Variants in RABL3 observed in about 807,000 individuals in gnomAD.
The protein encoded by RABL3 is RAB, member of RAS oncogene family like 3, also known as rab-like protein 3.
RABL3 carries 31 observed loss-of-function variants against 31.8 expected under a neutral mutation model. The ratio of observed to expected loss-of-function variants is 0.97; its 90% CI spans 0.73 to 1.31. RABL3 has a LOEUF of 1.31. RABL3 is among the 40% of genes most tolerant of loss of function. RABL3 has a pLI of 0.00. For synonymous variants in RABL3, 97 were observed against 99.9 expected (o/e 0.97, Z 0.18); for missense variants, 263 against 279.6 (o/e 0.94, Z 0.42).
rs1044080894 is a variant in RABL3 at position 120,686,680 on chromosome 3, A to G, written c.*3143T>C. 6.6e-6 allele frequency: 1 copy of G among 152,244 alleles called. No individual in the cohort carries two copies. Among genetic ancestry groups the G allele is most frequent in the Non-Finnish European group, 1.5e-5 (1 of 68,050 alleles). The allele number at this position is 152,244 out of a possible 1,614,324, so 9.4% of individuals were successfully genotyped here. On this transcript the variant is annotated 3_prime_UTR_variant, in exon 8 of 8. Coordinates refer to ENST00000273375, the MANE Select transcript of RABL3 (RefSeq NM_173825.5). ...ATGAGGCACCTATAACGAAAGACAG[A>G]TTATTGAGAAAAGCACACACATTTA...
intron 3 of RABL3, among the ~76,000 whole-genome samples, chr3:120,708,238 T>C (rs1291348918): frequency 6.6e-6 from 1 of 151,772 alleles, no homozygotes; most frequent in African/African-American, 2.4e-5. Context: ...TTTTAAGAAA[T>C]GGAAATATAT....
At chr3:120,737,327 G>C (rs557601012) in intron 1 of RABL3, among the ~76,000 whole-genome samples, 48 of 152,298 alleles carry the variant, frequency 3.2e-4, no homozygotes, top group African/African-American at 1.2e-3. Context: ...GGCTACTGAA[G>C]CTTGTGCATC....
rs770059146 is a variant in RABL3 at position 120,688,650 on chromosome 3, A to G, written c.*1173T>C. ...CAAAATCAGGAGTGCAGAGACCTGC[A>G]GCAGAGCCAGAGAGAGAATACGGGT... On this transcript the variant is annotated 3_prime_UTR_variant, in exon 8 of 8. Transcript: ENST00000273375. The G allele has an allele frequency of 1.3e-5, 2 of 152,234 alleles. No individual in the cohort carries two copies. The highest frequency in any genetic ancestry group is 2.9e-5 in the Non-Finnish European group (2 of 68,042). 9.4% of individuals were successfully genotyped at this position (152,234 alleles called of 1,614,324 possible).
At chr3:120,700,299 T>C (rs928015988) in intron 4 of RABL3, among the ~76,000 whole-genome samples, 1 of 152,142 alleles carries the variant, frequency 6.6e-6, no homozygotes, top group African/African-American at 2.4e-5. Flanking sequence ...AAAACTTGCA[T>C]CTTTCAGACC....
chr3:120,727,245 G>C (rs1708832915), intron 2 of RABL3, among the ~76,000 whole-genome samples: 1 of 152,060 alleles, frequency 6.6e-6, no homozygotes, highest in South Asian at 2.1e-4. Flanking sequence ...ATGGACCTCT[G>C]GTAAGACTGA....
At chr3:120,735,894 A>G (rs1708955282) in intron 1 of RABL3, among the ~76,000 whole-genome samples, 1 of 152,212 alleles carries the variant, frequency 6.6e-6, no homozygotes. Flanking sequence ...GTTTGACAGC[A>G]CTGTGGTCTG....
intron 2 of RABL3, among the ~76,000 whole-genome samples, chr3:120,715,732 G>A (rs1178863658): frequency 1.3e-5 from 2 of 151,822 alleles, no homozygotes; most frequent in Non-Finnish European, 2.9e-5. Context: ...AACAGTATCA[G>A]ATTTTTTTTT....
chr3:120,706,714 A>G (rs1349921024), intron 3 of RABL3, among the ~76,000 whole-genome samples: 1 of 152,018 alleles, frequency 6.6e-6, no homozygotes, highest in Non-Finnish European at 1.5e-5. Flanking sequence ...ATGATTAGTT[A>G]TGTAAGCTTC....
chr3:120,697,811 T>C (rs1464687868), intron 5 of RABL3, among the ~76,000 whole-genome samples: 4 of 152,224 alleles, frequency 2.6e-5, no homozygotes, highest in Non-Finnish European at 2.9e-5. Flanking sequence ...ATAATATGCT[T>C]ATAGTGCCAC....
At position 120,719,193 on chromosome 3, in the gene RABL3, G is replaced by T. The variant is rs79863093; in HGVS notation, c.139-9284C>A. Among the ~76,000 whole-genome samples the T allele has an allele frequency of 2.3e-4, 35 of 152,268 alleles. No individual in the cohort carries two copies. In the East Asian group the frequency reaches 6.4e-3, roughly 28 times the overall value. On this transcript the variant is annotated intron_variant, in intron 2 of 7. Transcript: ENST00000273375. ...TGCATATGAAATTTTTATCAAAATT[G>T]ACCATAAAACTGGACGTGGGGAGGG...
At chr3:120,726,347 C>G (rs567392525) in intron 2 of RABL3, among the ~76,000 whole-genome samples, 1 of 152,064 alleles carries the variant, frequency 6.6e-6, no homozygotes, top group Non-Finnish European at 1.5e-5. Flanking sequence ...GTTTAGGGCC[C>G]GGCATGGTGG....
chr3:120,704,795 A>G (rs1227714814), intron 4 of RABL3, among the ~76,000 whole-genome samples: 3 of 152,228 alleles, frequency 2.0e-5, no homozygotes, highest in South Asian at 4.1e-4. Flanking sequence ...CCTGTAACCC[A>G]GCACTTTGGG....
chr3:120,720,465 A>G (rs1038791903), intron 2 of RABL3, among the ~76,000 whole-genome samples: 6 of 152,236 alleles, frequency 3.9e-5, no homozygotes, highest in African/African-American at 1.4e-4. Flanking sequence ...GCTAACTAGA[A>G]TAATCAACAC....
rs199930414 is a variant in RABL3, at chr3:120,698,588, A to T, written c.384-15T>A. On this transcript the variant is annotated splice_polypyrimidine_tract_variant and intron_variant, in intron 4 of 7. Coordinates refer to ENST00000273375, the MANE Select transcript of RABL3 (RefSeq NM_173825.5). ...GATCATAATCCCTGTGATAAATAAT[A>T]ATGAAGAGGTGAATAGAATGTATCT... is the stretch of plus-strand genomic sequence containing the variant. 2.5e-6 allele frequency: 4 copies of T among 1,596,938 alleles called. No individual in the cohort carries two copies. The Admixed American group carries it at 6.8e-5, about 27-fold the overall frequency.
Position 120,713,959 on chromosome 3 carries a change from T to C in RABL3, c.139-4050A>G, listed in dbSNP as rs528743866. 7.9e-5 allele frequency among the ~76,000 whole-genome samples: 12 copies of C among 152,100 alleles called. No homozygotes were observed. In the South Asian group the frequency reaches 2.5e-3, roughly 32 times the overall value. ...CCAAGTGGCTGGGATTACAGGCACA[T>C]GTCACCACGTCTGGCTAATTTTTGT... On this transcript the variant is annotated intron_variant, in intron 2 of 7. Transcript: ENST00000273375.
chr3:120,712,938 C>T (rs1708628277), intron 2 of RABL3, among the ~76,000 whole-genome samples: 1 of 151,718 alleles, frequency 6.6e-6, no homozygotes, highest in Non-Finnish European at 1.5e-5. Flanking sequence ...CTTGAAACTT[C>T]TGGGATGGGG....
chr3:120,726,834 G>A (rs188166553), intron 2 of RABL3, among the ~76,000 whole-genome samples: 312 of 151,984 alleles, frequency 2.1e-3, no homozygotes, highest in African/African-American at 7.3e-3. Flanking sequence ...AAGGATGAAA[G>A]CATACAGTGT....
At chr3:120,723,953 A>T (rs1201483387) in intron 2 of RABL3, among the ~76,000 whole-genome samples, 1 of 152,084 alleles carries the variant, frequency 6.6e-6, no homozygotes, top group Non-Finnish European at 1.5e-5. Context: ...GGCCAGGGCA[A>T]TCAGGCAGGA....
intron 1 of RABL3, among the ~76,000 whole-genome samples, chr3:120,740,560 C>T (rs1709028919): frequency 6.6e-6 from 1 of 152,138 alleles, no homozygotes; most frequent in East Asian, 1.9e-4. Flanking sequence ...CCTTGTCTGG[C>T]TAAGTCATTT....
Sources: allele counts gnomAD v4.1 joint callset (sites outside exome capture counted in the v4.1 genomes callset), GRCh38; gene constraint gnomAD v4.1.1; transcripts MANE v1.5; gene names NCBI Gene and HGNC (gene_info 2026-07-23, HGNC 2026-07-21).